NF1: variants seen among roughly 807,000 people sequenced by gnomAD.
NF1 encodes neurofibromin 1.
A neutral mutation model predicts 325.7 loss-of-function variants in NF1; 122 were observed. The observed-to-expected ratio is 0.37, with a 90% confidence interval of 0.32 to 0.44. The LOEUF is 0.44. Ranked by LOEUF, NF1 falls within the 20% of genes least tolerant of loss-of-function variation. The pLI, the probability that NF1 is intolerant of heterozygous loss-of-function variation, is 1.00. For synonymous variants in NF1, 1,091 were observed against 1,186.0 expected, an observed-to-expected ratio of 0.92 and a Z score of 1.65; for missense variants, 2,140 against 3,415.4, an observed-to-expected ratio of 0.63 and a Z score of 9.31.
chr17:31,298,415 A>G (rs1246858186), intron 36 of NF1, among the ~76,000 whole-genome samples: 1 of 152,110 alleles, frequency 6.6e-6, no homozygotes, highest in Non-Finnish European at 1.5e-5. Context: ...TGTGTAAGGA[A>G]AGTCTCTTTA....
chr17:31,318,811 A>G lies in NF1; in HGVS notation c.4836-7009A>G, dbSNP rs542779466. On this transcript the variant is annotated intron_variant, in intron 36 of 57. Transcript: ENST00000358273. ...GTTTGTAGAATTACCTTTATAATCT[A>G]CTTCAGGAGTTATAGGGTTTGTGTT... The G allele has an allele frequency of 1.6e-5, 26 of 1,613,986 alleles. No homozygotes were observed. In the South Asian group the frequency reaches 2.4e-4, roughly 15 times the overall value.
At chr17:31,198,736 TC>T (rs2066476920) in intron 8 of NF1, among the ~76,000 whole-genome samples, 1 of 152,152 alleles carries the variant, frequency 6.6e-6, no homozygotes, top group African/African-American at 2.4e-5. Context: ...TGCTTCAGCT[TC>T]CCTAGTAGCT....
At chr17:31,368,312 G>T (rs1380070425) in intron 57 of NF1, among the ~76,000 whole-genome samples, 2 of 151,866 alleles carry the variant, frequency 1.3e-5, no homozygotes, top group Non-Finnish European at 2.9e-5. Flanking sequence ...AATTTTTTTT[G>T]TATTTTCAGT....
At chr17:31,296,363 T>C (rs538629924) in intron 36 of NF1, 1 of 1,613,260 alleles carries the variant, frequency 6.2e-7, no homozygotes, top group South Asian at 1.1e-5. Context: ...TACACCCTTC[T>C]TTTAATATGC....
intron 36 of NF1, among the ~76,000 whole-genome samples, chr17:31,310,766 C>T (rs1042001431): frequency 2.6e-5 from 4 of 151,984 alleles, no homozygotes; most frequent in African/African-American, 9.7e-5. Flanking sequence ...ATTTGTCAGC[C>T]CTCATATGCC....
At chr17:31,307,858 G>A in intron 36 of NF1, 1 of 1,280,748 alleles carries the variant, frequency 7.8e-7, no homozygotes, top group South Asian at 1.2e-5. Context: ...TGTTCTGTTG[G>A]AAGGTGCAAT....
intron 1 of NF1, among the ~76,000 whole-genome samples, chr17:31,108,592 A>G (rs1193316305): frequency 6.6e-6 from 1 of 152,146 alleles, no homozygotes; most frequent in Non-Finnish European, 1.5e-5. Context: ...GATGTTATAA[A>G]TTAATCCTTT....
intron 36 of NF1, among the ~76,000 whole-genome samples, chr17:31,273,933 T>C (rs1334151958): frequency 3.3e-5 from 5 of 152,222 alleles, no homozygotes; most frequent in African/African-American, 1.2e-4. Flanking sequence ...CCTGCTGTGA[T>C]TATTATGATT....
In NF1 at chr17:31,096,338, CAA is replaced by C. The variant is rs370427617; in HGVS notation, c.60+970_60+971del. 4.1e-4 allele frequency among the ~76,000 whole-genome samples: 62 copies of C among 152,000 alleles called. 1 individual carries two copies. The East Asian group carries it at 0.011, about 26-fold the overall frequency. On this transcript the variant is annotated intron_variant, in intron 1 of 57. Coordinates refer to ENST00000358273, the MANE Select transcript of NF1 (RefSeq NM_001042492.3). ...TTGTTTTTGACTCTCTCCTGGTTGA[CAA>C]GAGAACTTTCATTGAGAATATTTGG... is the stretch of plus-strand genomic sequence containing the variant.
rs574942568 is a variant in NF1, at chr17:31,376,821, C to T, written c.*2666C>T. ...AATCTACCTGTTATGCCAGTACTCC[C>T]ATCCGAGGGGCATGCCCTTAGTTGC... On this transcript the variant is annotated 3_prime_UTR_variant, in exon 58 of 58. Coordinates refer to ENST00000358273, the MANE Select transcript of NF1 (RefSeq NM_001042492.3). 5 of 233,222 alleles carry T rather than the reference C, an allele frequency of 2.1e-5. No homozygotes were observed. The Admixed American group carries it at 2.2e-4, about 10-fold the overall frequency. The allele number at this position is 233,222 out of a possible 1,614,324, so 14.4% of individuals were successfully genotyped here.
At chr17:31,343,264 GC>G in intron 48 of NF1, 129 bp downstream of exon 48, 1 of 907,414 alleles carries the variant, frequency 1.1e-6, no homozygotes, top group Non-Finnish European at 1.7e-6. Context: ...TGCAAACTAG[GC>G]CAGGCGTGGT....
At chr17:31,232,269 C>G (rs929766945) in intron 25 of NF1, 80 bp downstream of exon 25, 30 of 851,550 alleles carry the variant, frequency 3.5e-5, no homozygotes, top group African/African-American at 3.0e-4. Flanking sequence ...AGAAATAATA[C>G]CCATGACAGG....
intron 16 of NF1, among the ~76,000 whole-genome samples, chr17:31,224,310 T>C (rs1317879855): frequency 2.0e-5 from 3 of 152,314 alleles, no homozygotes; most frequent in East Asian, 1.9e-4. Flanking sequence ...AATTCTGTTA[T>C]GGCCTAGTTT....
At chr17:31,120,588 AC>A (rs1222266563) in intron 1 of NF1, among the ~76,000 whole-genome samples, 19 of 152,070 alleles carry the variant, frequency 1.2e-4, no homozygotes, top group Admixed American at 1.2e-3. Flanking sequence ...CTATTCAAAT[AC>A]CCTTTATTTT....
At chr17:31,306,857 C>A (rs980177816) in intron 36 of NF1, among the ~76,000 whole-genome samples, 1 of 151,262 alleles carries the variant, frequency 6.6e-6, no homozygotes, top group Non-Finnish European at 1.5e-5. Context: ...GTGATAGAAG[C>A]AAACAGTAAA....
chr17:31,336,936 T>C lies in NF1; in HGVS notation c.6427+22T>C. 6.2e-7 allele frequency: 1 copy of C among 1,603,270 alleles called. No individual in the cohort carries two copies. Among genetic ancestry groups the C allele is most frequent in the Non-Finnish European group, 8.5e-7 (1 of 1,178,678 alleles). ...AGTGGTAAGTTCTAGGAAAGGAATT[T>C]GTGTTTACCAGTTCCTTTCTCCATT... On this transcript the variant is annotated intron_variant, in intron 42 of 57. Transcript: ENST00000358273. This position sits in a 1 kb window ranked among gnomAD's most constrained non-coding sequence, Gnocchi z 5.5.
In NF1 at chr17:31,357,306, A is replaced by G; in HGVS notation, c.7907A>G (p.Gln2636Arg). ...LVKYTTDEFD[Q>R]RILYEYLAEA... ...AAATATACCACAGATGAGTTTGATC[A>G]ACGAATTCTTTATGAATACTTAGCA... The change falls in exon 54 of 58, where the codon CAA (glutamine) becomes CGA (arginine). Residue 2636 changes from glutamine (Q) to arginine (R), a missense_variant. Gln to Arg is a conservative substitution (Grantham distance 43). This residue lies in a region of NF1 where 522 missense variants were observed against 749.0 expected (regional missense o/e 0.70). Coordinates refer to ENST00000358273, the MANE Select transcript of NF1 (RefSeq NM_001042492.3). The G allele has an allele frequency of 1.2e-6, 2 of 1,614,082 alleles. No homozygotes were observed. The highest frequency in any genetic ancestry group is 1.7e-6 in the Non-Finnish European group (2 of 1,179,948).
At chr17:31,158,467 T>G (rs986934592) in intron 2 of NF1, among the ~76,000 whole-genome samples, 9 of 152,206 alleles carry the variant, frequency 5.9e-5, no homozygotes, top group Non-Finnish European at 8.8e-5. Flanking sequence ...ATTGAAATAT[T>G]TTAATATTTG....
intron 36 of NF1, chr17:31,296,508 G>A: frequency 1.5e-6 from 1 of 658,706 alleles, no homozygotes; most frequent in Non-Finnish European, 2.7e-6. Flanking sequence ...TAGTCCAAAT[G>A]CTTAATCCTT....
Sources: allele counts gnomAD v4.1 joint callset (sites outside exome capture counted in the v4.1 genomes callset), GRCh38; gene constraint gnomAD v4.1.1; regional missense constraint gnomAD v4.1.1; non-coding constraint Gnocchi (gnomAD v3.1); transcripts MANE v1.5; gene names NCBI Gene and HGNC (gene_info 2026-07-23, HGNC 2026-07-21).